The following MTMR9 variants were observed in gnomAD, a reference collection of about 807,000 sequenced individuals.
MTMR9 encodes the protein myotubularin-related protein 9.
A neutral mutation model predicts 69.5 loss-of-function variants in MTMR9; 39 were observed. The ratio of observed to expected loss-of-function variants is 0.56; its 90% CI spans 0.43 to 0.73. The LOEUF is 0.73. MTMR9 is among the 30% of genes least tolerant of loss of function. The pLI is 0.00. For synonymous variants in MTMR9, 354 were observed against 240.8 expected (o/e 1.47, Z -4.35); for missense variants, 900 against 671.2 (o/e 1.34, Z -3.77).
rs892004087 is a variant in MTMR9 at position 11,323,216 on chromosome 8, A to T, written c.*428A>T. On this transcript the variant is annotated 3_prime_UTR_variant, in exon 10 of 10. Transcript: ENST00000221086. ...ACTTTTAAACACTCTGACCATAGAAATGTTTTTCAAAATGGCAACAATGGA... is the reference window on the plus strand; with the variant it reads ...ACTTTTAAACACTCTGACCATAGAATTGTTTTTCAAAATGGCAACAATGGA... The T allele has an allele frequency of 6.6e-6, 1 of 152,488 alleles. No individual in the cohort carries two copies. 9.4% of individuals were successfully genotyped at this position (152,488 alleles called of 1,614,324 possible).
intron 1 of MTMR9, among the ~76,000 whole-genome samples, chr8:11,287,783 A>G (rs1214248793): frequency 8.5e-6 from 1 of 117,044 alleles, no homozygotes; most frequent in South Asian, 2.4e-4. Context: ...TATTTATTAT[A>G]TATTATATAT....
At chr8:11,338,742 C>G in the MTMR9 span, among the ~76,000 whole-genome samples, 332 of 152,292 alleles carry the variant, frequency 2.2e-3, 2 homozygotes, top group Middle Eastern at 6.8e-3. Context: ...TGCTCAGTTT[C>G]TAAATCTGAA....
intron 8 of MTMR9, 75 bp from the exon 9 acceptor site, chr8:11,319,612 G>A: frequency 2.1e-6 from 3 of 1,437,758 alleles, no homozygotes; most frequent in Non-Finnish European, 2.9e-6. Flanking sequence ...AGAAGAAATT[G>A]TCCTCGTAAG....
chr8:11,288,668 A>C (rs979187664), intron 1 of MTMR9, among the ~76,000 whole-genome samples: 4 of 152,152 alleles, frequency 2.6e-5, no homozygotes, highest in Non-Finnish European at 4.4e-5. Context: ...GATGGTAGAG[A>C]CTGGCTGGAG....
chr8:11,330,143 G>T (rs892685011), downstream of MTMR9, among the ~76,000 whole-genome samples: 1 of 151,810 alleles, frequency 6.6e-6, no homozygotes, highest in Non-Finnish European at 1.5e-5. Flanking sequence ...CCCCGTCCGG[G>T]AGGGAGGTCG....
chr8:11,331,962 C>G, downstream of MTMR9: 1 of 1,612,020 alleles, frequency 6.2e-7, no homozygotes. Context: ...GTGCGCTGTC[C>G]TGCATTCCGA....
In MTMR9 at chr8:11,314,927, G is replaced by C; in HGVS notation, c.976G>C (p.Gly326Arg). 6.2e-7 allele frequency: 1 copy of C among 1,613,600 alleles called. No homozygotes were observed. Residue 326 changes from glycine to arginine, a missense_variant, in exon 7 of 10, where the codon GGA (glycine) becomes CGA (arginine). Transcript: ENST00000221086. ...CLAAQCIDRE[G>R]ASILIHGTEG... ...CTTCCCTGATTTTCCTATCAGGGAA[G>C]GAGCATCAATATTGATTCACGGAAC...
downstream of MTMR9, among the ~76,000 whole-genome samples, chr8:11,328,999 G>C (rs905985136): frequency 6.6e-6 from 1 of 152,150 alleles, no homozygotes; most frequent in Non-Finnish European, 1.5e-5. Flanking sequence ...TTTGCATATG[G>C]ATATTCAGTT....
chr8:11,307,051 A>G (rs1799965706), intron 5 of MTMR9, among the ~76,000 whole-genome samples: 1 of 152,188 alleles, frequency 6.6e-6, no homozygotes, highest in Non-Finnish European at 1.5e-5. Flanking sequence ...ATTGCAAATG[A>G]CAGGCTTCCC....
In MTMR9 at chr8:11,319,694, T is replaced by C. The variant is rs1296117365; in HGVS notation, c.1342T>C (p.Leu448=). The change falls in exon 9 of 10, where the codon TTG becomes CTG. Residue 448 remains leucine, a synonymous_variant. Coordinates refer to ENST00000221086, the MANE Select transcript of MTMR9 (RefSeq NM_015458.4). ...LGNNESERCK[L]KLQQKTMSLW... is the part of the protein sequence containing the mutation. ...GTGTTCTTTCTTGATCAGATGTAAG[T>C]TGAAGCTACAGCAGAAGACGATGTC... is the stretch of plus-strand genomic sequence containing the variant. 6.2e-7 allele frequency: 1 copy of C among 1,613,660 alleles called. No individual in the cohort carries two copies. The highest frequency in any genetic ancestry group is 1.7e-5 in the Admixed American group (1 of 60,016).
At chr8:11,286,812 C>T (rs746886236) in intron 1 of MTMR9, among the ~76,000 whole-genome samples, 1 of 152,038 alleles carries the variant, frequency 6.6e-6, no homozygotes, top group Non-Finnish European at 1.5e-5. Context: ...GCCTTTCTTG[C>T]ACTTGCTTTC....
At chr8:11,319,861 ACTT>A (rs1471606319) in intron 9 of MTMR9, 23 bp downstream of exon 9, 2 of 1,612,932 alleles carry the variant, frequency 1.2e-6, no homozygotes, top group South Asian at 2.2e-5. Flanking sequence ...TCCTTTGCAA[ACTT>A]CTTAACGGTC....
chr8:11,335,576 C>T, the MTMR9 span, among the ~76,000 whole-genome samples: 2 of 152,160 alleles, frequency 1.3e-5, no homozygotes, highest in East Asian at 3.9e-4. Context: ...TTATGAAAAG[C>T]AAAACCCATA....
intron 6 of MTMR9, among the ~76,000 whole-genome samples, chr8:11,314,023 T>C (rs571945686): frequency 5.4e-4 from 82 of 152,336 alleles, no homozygotes; most frequent in Non-Finnish European, 7.5e-4. Flanking sequence ...GCAACTGTTA[T>C]TATCCTAGTT....
At chr8:11,290,905 C>G (rs1320545734) in intron 1 of MTMR9, among the ~76,000 whole-genome samples, 2 of 148,200 alleles carry the variant, frequency 1.3e-5, no homozygotes, top group South Asian at 2.2e-4. Flanking sequence ...ATGTTTCGAC[C>G]TTTATGTTTC....
intron 6 of MTMR9, among the ~76,000 whole-genome samples, chr8:11,312,193 C>G (rs1484425798): frequency 6.6e-6 from 1 of 151,972 alleles, no homozygotes; most frequent in East Asian, 1.9e-4. Context: ...TACAGGTGCA[C>G]ACCACCACGG....
chr8:11,312,665 A>G (rs1800250187), intron 6 of MTMR9, among the ~76,000 whole-genome samples: 1 of 152,254 alleles, frequency 6.6e-6, no homozygotes, highest in South Asian at 2.1e-4. Context: ...ACCTCCTCTC[A>G]TGAATCACAG....
chr8:11,288,140 C>A (rs1056032528), intron 1 of MTMR9, among the ~76,000 whole-genome samples: 1 of 130,684 alleles, frequency 7.7e-6, no homozygotes. Context: ...AAATATTCAC[C>A]TAATTATTCA....
chr8:11,293,241 C>A (rs779290015), intron 1 of MTMR9, among the ~76,000 whole-genome samples: 3 of 151,726 alleles, frequency 2.0e-5, no homozygotes, highest in Non-Finnish European at 4.4e-5. Flanking sequence ...AGTTTACCAA[C>A]AAAAATTTTT....
Sources: allele counts gnomAD v4.1 joint callset (sites outside exome capture counted in the v4.1 genomes callset), GRCh38; gene constraint gnomAD v4.1.1; transcripts MANE v1.5; gene names NCBI Gene and HGNC (gene_info 2026-07-23, HGNC 2026-07-21).